Variants in CLDN10 observed in about 807,000 individuals in gnomAD.
The protein encoded by CLDN10 is claudin-10.
In CLDN10, 15 loss-of-function variants were observed where a neutral mutation model predicts 22.9. The ratio of observed to expected loss-of-function variants is 0.65; its 90% CI spans 0.44 to 1.01. The LOEUF is 1.01. CLDN10 is among the 50% of genes least tolerant of loss of function. The pLI, the probability that CLDN10 is intolerant of heterozygous loss-of-function variation, is 0.00. For synonymous variants in CLDN10, 114 were observed against 111.4 expected (o/e 1.02, Z -0.15); for missense variants, 247 against 287.8 (o/e 0.86, Z 1.03).
chr13:95,454,601 T>C (rs1051399130), intron 1 of CLDN10, among the ~76,000 whole-genome samples: 6 of 152,108 alleles, frequency 3.9e-5, no homozygotes, highest in Admixed American at 1.3e-4. Context: ...TTTTCTATAC[T>C]CCAGCCTTGT....
intron 1 of CLDN10, among the ~76,000 whole-genome samples, chr13:95,455,381 A>G (rs537962358): frequency 6.6e-6 from 1 of 152,292 alleles, no homozygotes; most frequent in African/African-American, 2.4e-5. Context: ...GGAATTGTTC[A>G]TGGTTTATTT....
At chr13:95,443,280 T>C (rs887950334) in intron 1 of CLDN10, among the ~76,000 whole-genome samples, 3 of 152,180 alleles carry the variant, frequency 2.0e-5, no homozygotes, top group African/African-American at 7.2e-5. Flanking sequence ...AGGATAACGA[T>C]GATAATGATG....
At chr13:95,515,180 T>TTTG (rs146017884) in intron 1 of CLDN10, among the ~76,000 whole-genome samples, 34 of 150,616 alleles carry the variant, frequency 2.3e-4, no homozygotes, top group Admixed American at 6.0e-4. Context: ...GCTAATTACG[T>TTTG]TTGTTGTTGT....
chr13:95,526,359 G>A (rs1339387044), intron 1 of CLDN10, among the ~76,000 whole-genome samples: 1 of 152,114 alleles, frequency 6.6e-6, no homozygotes, highest in Non-Finnish European at 1.5e-5. Flanking sequence ...GAATTCATTA[G>A]AAGCTCTGAG....
intron 3 of CLDN10, among the ~76,000 whole-genome samples, chr13:95,565,230 G>A (rs1185767349): frequency 1.3e-5 from 2 of 151,860 alleles, no homozygotes; most frequent in African/African-American, 2.4e-5. Context: ...TCCCACCATT[G>A]TTTTGTTATC....
intron 1 of CLDN10, among the ~76,000 whole-genome samples, chr13:95,487,310 AT>A (rs1288127427): frequency 2.6e-5 from 4 of 152,238 alleles, no homozygotes; most frequent in African/African-American, 9.6e-5. Context: ...TTACACTGAT[AT>A]AAAGTCATCA....
chr13:95,574,694 C>T (rs938072767), intron 3 of CLDN10, among the ~76,000 whole-genome samples: 10 of 151,998 alleles, frequency 6.6e-5, no homozygotes, highest in South Asian at 2.1e-4. Context: ...CGCTTGAACT[C>T]GGGAGGTGGA....
At chr13:95,525,783 T>C (rs1324732458) in intron 1 of CLDN10, among the ~76,000 whole-genome samples, 1 of 152,162 alleles carries the variant, frequency 6.6e-6, no homozygotes, top group Admixed American at 6.5e-5. Flanking sequence ...TGAGCTACCA[T>C]GCCCAGCCCA....
chr13:95,478,373 G>A (rs2042705933), intron 1 of CLDN10, among the ~76,000 whole-genome samples: 1 of 152,200 alleles, frequency 6.6e-6, no homozygotes, highest in Non-Finnish European at 1.5e-5. Flanking sequence ...AAACACTGGA[G>A]ATTCAGATTT....
At chr13:95,434,790 C>T (rs566348286) in intron 1 of CLDN10, among the ~76,000 whole-genome samples, 35 of 152,122 alleles carry the variant, frequency 2.3e-4, no homozygotes, top group Non-Finnish European at 4.6e-4. Context: ...GTAAGGTAAT[C>T]CGTATGTCTC....
intron 1 of CLDN10, among the ~76,000 whole-genome samples, chr13:95,453,704 A>AAAAAG (rs1222076388): frequency 1.3e-5 from 2 of 151,898 alleles, no homozygotes; most frequent in African/African-American, 4.8e-5. Flanking sequence ...GAAAAAAAAA[A>AAAAAG]AAGAGCAAGC....
chr13:95,530,928 C>T (rs566939997), intron 1 of CLDN10, among the ~76,000 whole-genome samples: 1 of 151,140 alleles, frequency 6.6e-6, no homozygotes, highest in African/African-American at 2.4e-5. Flanking sequence ...GATCATCTTT[C>T]CTTTTTTTTT....
At chr13:95,449,845 G>C (rs1337291273) in intron 1 of CLDN10, among the ~76,000 whole-genome samples, 1 of 149,954 alleles carries the variant, frequency 6.7e-6, no homozygotes, top group African/African-American at 2.4e-5. Flanking sequence ...CCGGGTTCAC[G>C]CCATTCCCCT....
At chr13:95,491,315 T>A (rs573973583) in intron 1 of CLDN10, among the ~76,000 whole-genome samples, 1 of 152,088 alleles carries the variant, frequency 6.6e-6, no homozygotes, top group Admixed American at 6.6e-5. Flanking sequence ...GGTTTGGTCA[T>A]TTAACATAAT....
chr13:95,434,135 ACT>A lies in CLDN10; in HGVS notation c.214+93_214+94del, dbSNP rs2042240139. ...AGTAGCTGTCTATGGCTGGCTGTTA[ACT>A]CTCTGAAGACTGAGTGCTTAATCAA... On this transcript the variant is annotated intron_variant, in intron 1 of 4. Coordinates refer to the CLDN10 transcript ENST00000376873. 3 of 1,196,458 alleles carry A rather than the reference ACT, an allele frequency of 2.5e-6. No individual in the cohort carries two copies. In the East Asian group the frequency reaches 7.2e-5, roughly 29 times the overall value. The allele number at this position is 1,196,458 out of a possible 1,614,324, so 74.1% of individuals were successfully genotyped here. A position where few individuals can be genotyped will look rare whatever the true frequency, so the allele number is the denominator to read the frequency against.
At chr13:95,576,592 A>G (rs1014720137) in intron 3 of CLDN10, among the ~76,000 whole-genome samples, 24 of 152,148 alleles carry the variant, frequency 1.6e-4, no homozygotes, top group Non-Finnish European at 3.5e-4. Flanking sequence ...CCTCAGTAGC[A>G]CTGTTCATAC....
chr13:95,548,924 CAAGT>C (rs1442393704), upstream of CLDN10, among the ~76,000 whole-genome samples: 3 of 152,186 alleles, frequency 2.0e-5, no homozygotes, highest in Non-Finnish European at 4.4e-5. Context: ...TACTGAATCT[CAAGT>C]AAGGAATTTC....
chr13:95,496,235 G>T (rs1437450242), intron 1 of CLDN10, among the ~76,000 whole-genome samples: 1 of 152,160 alleles, frequency 6.6e-6, no homozygotes, highest in Non-Finnish European at 1.5e-5. Flanking sequence ...CACGTCTGAC[G>T]CATATGCTTC....
chr13:95,560,219 G>A lies in CLDN10; in HGVS notation c.308G>A (p.Cys103Tyr), dbSNP rs2043689482. The change falls in exon 2 of 5, where the codon TGT becomes TAT. Residue 103 changes from cysteine to tyrosine, a missense_variant. Coordinates refer to ENST00000299339, the MANE Select transcript of CLDN10 (RefSeq NM_006984.5). ...ATATTTGCGCTCTTTGGAATGAAGT[G>A]TACCAAAGTCGGAGGCTCCGATAAA... Reference protein sequence around the residue: ...GSIFALFGMKCTKVGGSDKAK... With the variant: ...GSIFALFGMKYTKVGGSDKAK... 1 of 1,614,198 alleles carries A rather than the reference G, an allele frequency of 6.2e-7. No individual in the cohort carries two copies. The highest frequency in any genetic ancestry group is 8.5e-7 in the Non-Finnish European group (1 of 1,180,018).
Sources: allele counts gnomAD v4.1 joint callset (sites outside exome capture counted in the v4.1 genomes callset), GRCh38; gene constraint gnomAD v4.1.1; transcripts MANE v1.5; gene names NCBI Gene and HGNC (gene_info 2026-07-23, HGNC 2026-07-21).